Variants in FAM168A observed in about 807,000 individuals in gnomAD.
FAM168A encodes the protein family with sequence similarity 168 member A.
FAM168A carries 3 observed loss-of-function variants against 28.5 expected under a neutral mutation model. The observed-to-expected ratio is 0.11, with a 90% CI of 0.05 to 0.27. The LOEUF (loss-of-function observed/expected upper bound fraction) is 0.27. Ranked by LOEUF, FAM168A falls within the 10% of genes least tolerant of loss-of-function variation. FAM168A has a pLI of 1.00. For synonymous variants in FAM168A, 122 were observed against 124.2 expected (o/e 0.98, Z 0.12); for missense variants, 222 against 311.5 (o/e 0.71, Z 2.16).
At chr11:73,560,665 T>C (rs1943947991) in intron 1 of FAM168A, among the ~76,000 whole-genome samples, 1 of 152,194 alleles carries the variant, frequency 6.6e-6, no homozygotes, top group Non-Finnish European at 1.5e-5. Flanking sequence ...GTGATAATAC[T>C]AAATGCCGAC....
At chr11:73,579,777 A>G (rs1944222811) in intron 1 of FAM168A, among the ~76,000 whole-genome samples, 1 of 152,236 alleles carries the variant, frequency 6.6e-6, no homozygotes, top group African/African-American at 2.4e-5. Flanking sequence ...GAAATGTTAA[A>G]TAACCTTCAG....
intron 2 of FAM168A, among the ~76,000 whole-genome samples, chr11:73,449,136 T>A (rs907599853): frequency 1.3e-5 from 2 of 152,004 alleles, no homozygotes; most frequent in East Asian, 1.9e-4. Flanking sequence ...CCACCTAATT[T>A]AAAAATTTTT....
In FAM168A at chr11:73,405,344, G is replaced by A. The variant is rs1430457576; in HGVS notation, c.*1419C>T. 1 of 152,224 alleles carries A rather than the reference G, an allele frequency of 6.6e-6. No homozygotes were observed. Among genetic ancestry groups the A allele is most frequent in the Admixed American group, 6.5e-5 (1 of 15,274 alleles). 9.4% of individuals were successfully genotyped at this position (152,224 alleles called of 1,614,324 possible). A position where few individuals can be genotyped will look rare whatever the true frequency, so the allele number is the denominator to read the frequency against. On this transcript the variant is annotated 3_prime_UTR_variant, in exon 8 of 8. Transcript: ENST00000356467. Reference sequence around the variant, plus strand: ...CGCCTTTGGAGTCCGTGGAGGAAAAGAGCAGAAACAGGAGCCCAGAGACCA... The same window carrying A: ...CGCCTTTGGAGTCCGTGGAGGAAAAAAGCAGAAACAGGAGCCCAGAGACCA...
intron 3 of FAM168A, among the ~76,000 whole-genome samples, chr11:73,424,438 C>T (rs1384063542): frequency 1.3e-5 from 2 of 152,096 alleles, no homozygotes; most frequent in African/African-American, 4.8e-5. Flanking sequence ...TGCCTTGGGC[C>T]TGGAGTCCAC....
At chr11:73,525,231 A>G (rs76689040) in intron 1 of FAM168A, among the ~76,000 whole-genome samples, 2,021 of 152,316 alleles carry the variant, frequency 0.013, 44 homozygotes, top group African/African-American at 0.045. Context: ...TAAGAAACAT[A>G]CAGACACGTA....
chr11:73,496,932 G>C (rs192865567), intron 1 of FAM168A, among the ~76,000 whole-genome samples: 6 of 144,844 alleles, frequency 4.1e-5, no homozygotes, highest in African/African-American at 1.7e-4. Flanking sequence ...CACACACACA[G>C]TTTTAGGTCT....
chr11:73,442,354 C>T (rs1022138666), intron 2 of FAM168A, among the ~76,000 whole-genome samples: 8 of 152,010 alleles, frequency 5.3e-5, no homozygotes, highest in Non-Finnish European at 1.0e-4. Context: ...TCTCGATCTC[C>T]TGACCTCATG....
At chr11:73,511,525 C>G (rs1458452924) in intron 1 of FAM168A, among the ~76,000 whole-genome samples, 6 of 148,590 alleles carry the variant, frequency 4.0e-5, no homozygotes, top group Admixed American at 4.0e-4. Context: ...GCATGGCCAC[C>G]GCGCCCGGCT....
At chr11:73,529,799 T>C (rs1004772802) in intron 1 of FAM168A, among the ~76,000 whole-genome samples, 10 of 147,168 alleles carry the variant, frequency 6.8e-5, no homozygotes, top group South Asian at 2.1e-4. Context: ...TTTTCTTCTT[T>C]TTTTTTTTTT....
chr11:73,577,892 C>G (rs186837097), intron 1 of FAM168A, among the ~76,000 whole-genome samples: 1 of 152,158 alleles, frequency 6.6e-6, no homozygotes, highest in African/African-American at 2.4e-5. Flanking sequence ...AGCAACAGAA[C>G]GTCCCTTAGG....
At chr11:73,557,297 T>C (rs949911451) in intron 1 of FAM168A, among the ~76,000 whole-genome samples, 1 of 152,104 alleles carries the variant, frequency 6.6e-6, no homozygotes, top group Non-Finnish European at 1.5e-5. Context: ...ATCCAATTCA[T>C]GGAGACAAAG....
intron 7 of FAM168A, among the ~76,000 whole-genome samples, 197 bp downstream of exon 7, chr11:73,407,316 G>T (rs148063008): frequency 1.3e-5 from 2 of 152,164 alleles, no homozygotes; most frequent in Non-Finnish European, 2.9e-5. Context: ...TTATTATTTA[G>T]ATTTCAACAA....
At chr11:73,538,986 C>T (rs1943618855) in intron 1 of FAM168A, among the ~76,000 whole-genome samples, 1 of 152,112 alleles carries the variant, frequency 6.6e-6, no homozygotes, top group Non-Finnish European at 1.5e-5. Flanking sequence ...TAGTTAGATC[C>T]TCAATATAAG....
At chr11:73,524,160 T>C (rs992957385) in intron 1 of FAM168A, among the ~76,000 whole-genome samples, 15 of 152,210 alleles carry the variant, frequency 9.9e-5, no homozygotes, top group African/African-American at 3.6e-4. Context: ...CAAATGCTTT[T>C]GTATATAACC....
intron 1 of FAM168A, among the ~76,000 whole-genome samples, chr11:73,517,082 G>C (rs1185745959): frequency 2.6e-5 from 4 of 152,118 alleles, no homozygotes; most frequent in African/African-American, 9.7e-5. Context: ...GCATTTGCGA[G>C]ACCACTGATT....
intron 4 of FAM168A, among the ~76,000 whole-genome samples, chr11:73,413,513 C>G (rs1294908160): frequency 1.3e-5 from 2 of 152,120 alleles, no homozygotes; most frequent in Non-Finnish European, 2.9e-5. Flanking sequence ...GACAGGGAGA[C>G]TAGCTTTGCA....
At chr11:73,551,427 A>G (rs1345634104) in intron 1 of FAM168A, among the ~76,000 whole-genome samples, 1 of 152,244 alleles carries the variant, frequency 6.6e-6, no homozygotes, top group Non-Finnish European at 1.5e-5. Context: ...GTCTCTCTCC[A>G]TTCGTCTATG....
intron 1 of FAM168A, among the ~76,000 whole-genome samples, chr11:73,505,134 A>G (rs1855082482): frequency 6.6e-6 from 1 of 152,010 alleles, no homozygotes. Context: ...TTTAGAAGAA[A>G]TCTTTTAAAA....
At position 73,498,978 on chromosome 11, in the gene FAM168A, C is replaced by T. The variant is rs1283871234; in HGVS notation, c.-18-30486G>A. ...TGGGCAGCCCAGATGAGTGGGTATC[C>T]CCCCAGCGGAACACACCCTCTCCAC... On this transcript the variant is annotated intron_variant, in intron 1 of 7. Transcript: ENST00000356467. Among the ~76,000 whole-genome samples the T allele has an allele frequency of 3.3e-5, 5 of 152,234 alleles. No individual in the cohort carries two copies. The South Asian group carries it at 1.0e-3, about 32-fold the overall frequency.
Sources: allele counts gnomAD v4.1 joint callset (sites outside exome capture counted in the v4.1 genomes callset), GRCh38; gene constraint gnomAD v4.1.1; transcripts MANE v1.5; gene names NCBI Gene and HGNC (gene_info 2026-07-23, HGNC 2026-07-21).